The following SERINC5 variants were observed in gnomAD, a reference collection of about 807,000 sequenced individuals.
The protein encoded by SERINC5 is serine incorporator 5.
SERINC5 carries 41 observed loss-of-function variants against 63.1 expected under a neutral mutation model. That is an observed-to-expected ratio of 0.65 (90% CI 0.51 to 0.84). The LOEUF (loss-of-function observed/expected upper bound fraction) is 0.84. SERINC5 is among the 40% of genes least tolerant of loss of function. SERINC5 has a pLI of 0.00. For synonymous variants in SERINC5, 222 were observed against 215.2 expected (o/e 1.03, Z -0.28); for missense variants, 523 against 573.0 (o/e 0.91, Z 0.89).
chr5:80,246,448 T>C (rs1006383323), intron 1 of SERINC5, among the ~76,000 whole-genome samples: 1 of 152,244 alleles, frequency 6.6e-6, no homozygotes, highest in Non-Finnish European at 1.5e-5. Context: ...TAAGGGGTTA[T>C]GCATGTGTTT....
chr5:80,254,152 G>C (rs995143432), intron 1 of SERINC5, among the ~76,000 whole-genome samples: 2 of 152,160 alleles, frequency 1.3e-5, no homozygotes, highest in Non-Finnish European at 2.9e-5. Flanking sequence ...TCCAACTCCT[G>C]ATCTCAGGTG....
downstream of SERINC5, among the ~76,000 whole-genome samples, chr5:80,137,108 C>CCA (rs1289908612): frequency 7.1e-6 from 1 of 140,078 alleles, no homozygotes; most frequent in African/African-American, 2.7e-5. Flanking sequence ...CCACTGCACT[C>CCA]CAGCTGGGGT....
Position 80,139,596 on chromosome 5 carries a change from A to AAGAGAGAGAG in SERINC5, c.*4057_*4066dup, listed in dbSNP as rs11267118. The AAGAGAGAGAG allele has an allele frequency of 1.5e-3, 1,424 of 962,452 alleles. 8 individuals carry two copies. The highest frequency in any genetic ancestry group is 0.013 in the African/African-American group (714 of 54,434). 59.6% of individuals were successfully genotyped at this position (962,452 alleles called of 1,614,324 possible). On this transcript the variant is annotated 3_prime_UTR_variant, in exon 12 of 12. Transcript: ENST00000507668. The stretch of plus-strand genomic sequence containing the variant: ...TGAAAGAGTTGTTGAGAAAGAAGAA[A>AAGAGAGAGAG]AGAGAGAGAGAGAGAAAGGTCTAAA...
In SERINC5 at chr5:80,167,444, T is replaced by C. The variant is rs190094085; in HGVS notation, c.764-966A>G. Among the ~76,000 whole-genome samples, 228 of 152,352 alleles carry C rather than the reference T, an allele frequency of 1.5e-3. 1 individual carries two copies. The highest frequency in any genetic ancestry group is 5.1e-3 in the African/African-American group (211 of 41,578). ...CTTTTTATGGCTACACCGTATTCCA[T>C]AGATTCCATAGTGTATATGTACCAC... On this transcript the variant is annotated intron_variant, in intron 6 of 11. Coordinates refer to ENST00000507668, the MANE Select transcript of SERINC5 (RefSeq NM_001174072.3).
intron 2 of SERINC5, among the ~76,000 whole-genome samples, chr5:80,193,392 C>T (rs1021320221): frequency 3.9e-5 from 6 of 152,174 alleles, no homozygotes; most frequent in Non-Finnish European, 4.4e-5. Flanking sequence ...CTGCAGGCTA[C>T]TCCGAGGCCC....
intron 2 of SERINC5, among the ~76,000 whole-genome samples, chr5:80,192,865 G>A (rs527948256): frequency 5.9e-5 from 9 of 152,230 alleles, no homozygotes; most frequent in South Asian, 4.2e-4. Flanking sequence ...GAGTTACCAC[G>A]TGACTCCGAA....
chr5:80,187,026 C>A (rs2014946), intron 2 of SERINC5, among the ~76,000 whole-genome samples: 2 of 152,070 alleles, frequency 1.3e-5, no homozygotes, highest in East Asian at 1.9e-4. Context: ...ATTAGCCAGG[C>A]GTGGTGGCAC....
intron 7 of SERINC5, among the ~76,000 whole-genome samples, chr5:80,159,812 C>T (rs1746771460): frequency 6.6e-6 from 1 of 152,210 alleles, no homozygotes; most frequent in African/African-American, 2.4e-5. Context: ...TGGAGGCTTA[C>T]AGGAAGGTGA....
intron 11 of SERINC5, among the ~76,000 whole-genome samples, chr5:80,145,499 G>C (rs772252439): frequency 2.6e-5 from 4 of 151,926 alleles, no homozygotes; most frequent in Non-Finnish European, 5.9e-5. Flanking sequence ...AAAAAAAGAT[G>C]TTTCCAATTT....
intron 1 of SERINC5, among the ~76,000 whole-genome samples, chr5:80,216,750 C>T (rs151067401): frequency 7.4e-4 from 113 of 152,110 alleles, no homozygotes; most frequent in African/African-American, 2.4e-3. Flanking sequence ...GTGGCTCCTG[C>T]CTGTAATCCC....
At chr5:80,175,544 C>T (rs926844145) in intron 4 of SERINC5, among the ~76,000 whole-genome samples, 11 of 152,158 alleles carry the variant, frequency 7.2e-5, no homozygotes, top group Non-Finnish European at 1.6e-4. Context: ...GAATAAGTCA[C>T]ATCACATGGG....
intron 1 of SERINC5, among the ~76,000 whole-genome samples, chr5:80,249,768 C>T (rs1449000168): frequency 1.3e-5 from 2 of 152,108 alleles, no homozygotes; most frequent in East Asian, 1.9e-4. Context: ...CGCCATTGCA[C>T]TCCAGCCTCG....
intron 5 of SERINC5, among the ~76,000 whole-genome samples, chr5:80,173,405 C>T (rs1747806461): frequency 6.6e-6 from 1 of 152,022 alleles, no homozygotes; most frequent in African/African-American, 2.4e-5. Flanking sequence ...ACCATCCTGG[C>T]TAACACGGTG....
intron 1 of SERINC5, among the ~76,000 whole-genome samples, chr5:80,228,213 C>G (rs1446873821): frequency 1.6e-5 from 2 of 128,150 alleles, no homozygotes; most frequent in East Asian, 5.4e-4. Context: ...CCAGCCTGGG[C>G]AGCAGAGTGA....
At chr5:80,126,550 T>A (rs565951660) in intron 11 of SERINC5, among the ~76,000 whole-genome samples, 7 of 152,344 alleles carry the variant, frequency 4.6e-5, no homozygotes. Flanking sequence ...CTTTCAAAGC[T>A]GACAGGTTGA....
chr5:80,175,777 T>G (rs980535790), intron 4 of SERINC5, among the ~76,000 whole-genome samples: 8 of 143,204 alleles, frequency 5.6e-5, no homozygotes, highest in African/African-American at 1.8e-4. Flanking sequence ...GGCAGGAGAA[T>G]CACTTGAACC....
At chr5:80,250,993 C>T (rs893456561) in intron 1 of SERINC5, among the ~76,000 whole-genome samples, 3 of 152,094 alleles carry the variant, frequency 2.0e-5, no homozygotes, top group South Asian at 2.1e-4. Context: ...ACTAATGTCC[C>T]GCTTTGTTTA....
intron 1 of SERINC5, among the ~76,000 whole-genome samples, chr5:80,254,461 C>T (rs1027982454): frequency 2.6e-5 from 4 of 152,128 alleles, no homozygotes; most frequent in Non-Finnish European, 5.9e-5. Flanking sequence ...AATTACAGAG[C>T]TCTAAATTAG....
At chr5:80,215,407 A>T (rs1407070029) in intron 1 of SERINC5, among the ~76,000 whole-genome samples, 3 of 152,210 alleles carry the variant, frequency 2.0e-5, no homozygotes, top group Non-Finnish European at 4.4e-5. Context: ...CAGAATGGTG[A>T]GCCATTTAAA....
Sources: allele counts gnomAD v4.1 joint callset (sites outside exome capture counted in the v4.1 genomes callset), GRCh38; gene constraint gnomAD v4.1.1; transcripts MANE v1.5; gene names NCBI Gene and HGNC (gene_info 2026-07-23, HGNC 2026-07-21).